Variants in ZNF8 observed in about 807,000 individuals in gnomAD.
The protein encoded by ZNF8 is zinc finger protein 272.
A neutral mutation model predicts 12.2 loss-of-function variants in ZNF8; 9 were observed. The observed-to-expected ratio is 0.73, with a 90% confidence interval of 0.44 to 1.28. ZNF8 has a LOEUF of 1.28. Ranked by LOEUF, ZNF8 falls within the 50% of genes most tolerant of loss-of-function variation. The probability of loss-of-function intolerance (pLI) is 0.00; values close to 1 mark genes in which losing one functional copy is unlikely to be tolerated. For synonymous variants in ZNF8, 274 were observed against 282.3 expected (o/e 0.97, Z 0.30); for missense variants, 664 against 729.1 (o/e 0.91, Z 1.03).
chr19:58,280,312 T>C (rs934999446), intron 1 of ZNF8: 1 of 174,732 alleles, frequency 5.7e-6, no homozygotes, highest in Non-Finnish European at 1.2e-5. Context: ...GAGACCTCAG[T>C]TGTTCTCCAT....
chr19:58,291,805 G>A (rs1031790802), intron 3 of ZNF8, among the ~76,000 whole-genome samples: 2 of 152,200 alleles, frequency 1.3e-5, no homozygotes, highest in African/African-American at 2.4e-5. Context: ...GGGGCACAGG[G>A]AGCAAGGTGG....
chr19:58,282,980 CT>C (rs112317260), intron 1 of ZNF8, among the ~76,000 whole-genome samples: 12 of 146,532 alleles, frequency 8.2e-5, no homozygotes, highest in African/African-American at 2.8e-4. Flanking sequence ...TTTTTCTCTT[CT>C]TTTTTTTTTC....
chr19:58,294,874 C>G lies in ZNF8; in HGVS notation c.1066C>G (p.Leu356Val), dbSNP rs1328587765. ...CGRAFNQNSS[L>V]GRHKRTHTGE... ...GAGGGCCTTCAACCAGAACTCCTCCCTGGGGCGGCACAAGAGGACACACAC... is the reference window on the plus strand; with the variant it reads ...GAGGGCCTTCAACCAGAACTCCTCCGTGGGGCGGCACAAGAGGACACACAC... The change falls in exon 4 of 4, where the codon CTG becomes GTG. Residue 356 changes from leucine (L) to valine (V), a missense_variant. Around this residue, in one of 3 missense-constraint regions of ZNF8, gnomAD observed 133 missense variants for 198.4 expected, o/e 0.67. Transcript: ENST00000621650. This position sits in a 1 kb window ranked among gnomAD's most constrained non-coding sequence, Gnocchi z 5.5. 6.2e-7 allele frequency: 1 copy of G among 1,614,020 alleles called. No individual in the cohort carries two copies. Among genetic ancestry groups the G allele is most frequent in the Non-Finnish European group, 8.5e-7 (1 of 1,180,026 alleles).
intron 3 of ZNF8, among the ~76,000 whole-genome samples, chr19:58,287,587 T>A (rs940694498): frequency 6.8e-6 from 1 of 146,572 alleles, no homozygotes; most frequent in Non-Finnish European, 1.5e-5. Context: ...AATCCTCCTG[T>A]CTTGGCCTCT....
At chr19:58,292,950 G>T (rs930526563) in intron 3 of ZNF8, among the ~76,000 whole-genome samples, 120 of 142,246 alleles carry the variant, frequency 8.4e-4, no homozygotes, top group South Asian at 1.8e-3. Context: ...TAGAGAGTCA[G>T]TTTTTTTTTT....
At chr19:58,292,520 T>C (rs1363709860) in intron 3 of ZNF8, among the ~76,000 whole-genome samples, 1 of 152,222 alleles carries the variant, frequency 6.6e-6, no homozygotes, top group African/African-American at 2.4e-5. Context: ...ACCCTCACAA[T>C]GGGGATTAGG....
In ZNF8 at chr19:58,294,121, C is replaced by A; in HGVS notation, c.313C>A (p.Gln105Lys). Residue 105 changes from glutamine to lysine, a missense_variant, in exon 4 of 4, where the codon CAA (glutamine) becomes AAA (lysine). This residue lies in a region of ZNF8 where 306 missense variants were observed against 308.7 expected (regional missense o/e 0.99). Transcript: ENST00000621650. This position sits in a 1 kb window ranked among gnomAD's most constrained non-coding sequence, Gnocchi z 5.5. Reference protein sequence around the residue: ...HPAWEPRSESQASRKEEGLPE... With the variant: ...HPAWEPRSESKASRKEEGLPE... ...AGCCTGGGAGCCTCGATCTGAAAGCCAAGCATCACGCAAGGAAGAGGGCCT... is the reference window on the plus strand; with the variant it reads ...AGCCTGGGAGCCTCGATCTGAAAGCAAAGCATCACGCAAGGAAGAGGGCCT... The A allele has an allele frequency of 6.2e-7, 1 of 1,601,846 alleles. No homozygotes were observed. The highest frequency in any genetic ancestry group is 8.5e-7 in the Non-Finnish European group (1 of 1,170,568).
At chr19:58,280,525 C>T (rs981938868) in intron 1 of ZNF8, 2 of 152,546 alleles carry the variant, frequency 1.3e-5, no homozygotes, top group African/African-American at 4.8e-5. Context: ...CACACCAGGG[C>T]TGGAGGTCAT....
chr19:58,291,117 G>C (rs115537096), intron 3 of ZNF8, among the ~76,000 whole-genome samples: 2,084 of 152,300 alleles, frequency 0.014, 39 homozygotes, highest in African/African-American at 0.046. Context: ...CTCAGGGATG[G>C]CTGGGCGATC....
intron 3 of ZNF8, chr19:58,286,506 G>C (rs2051384446): frequency 3.5e-6 from 1 of 283,312 alleles, no homozygotes; most frequent in Admixed American, 4.6e-5. Flanking sequence ...CATGAGACAT[G>C]AGCTCTACCA....
At chr19:58,291,416 G>C (rs1261137913) in intron 3 of ZNF8, among the ~76,000 whole-genome samples, 1 of 152,182 alleles carries the variant, frequency 6.6e-6, no homozygotes. Flanking sequence ...GTTCACTAGT[G>C]TTCTCAAGTC....
intron 3 of ZNF8, among the ~76,000 whole-genome samples, chr19:58,288,348 T>C (rs2051397360): frequency 6.6e-6 from 1 of 152,126 alleles, no homozygotes. Flanking sequence ...CCAGGGCTGA[T>C]TGTTCTGTGA....
chr19:58,286,075 A>G lies in ZNF8; in HGVS notation c.194-35A>G, dbSNP rs779881300. 3.1e-6 allele frequency: 5 copies of G among 1,599,930 alleles called. No individual in the cohort carries two copies. The South Asian group carries it at 5.6e-5, about 18-fold the overall frequency. The stretch of plus-strand genomic sequence containing the variant: ...TGGGCTTGTTGTTTCTCTCCTGAGC[A>G]GCCCCTCACCTCCTGTGTTTTTCCC... On this transcript the variant is annotated intron_variant, in intron 2 of 3. Transcript: ENST00000621650.
At chr19:58,290,329 T>G (rs1382694897) in intron 3 of ZNF8, among the ~76,000 whole-genome samples, 1 of 150,364 alleles carries the variant, frequency 6.7e-6, no homozygotes, top group African/African-American at 2.4e-5. Flanking sequence ...TTGGCCAGGA[T>G]GGTCTCTATC....
At position 58,295,053 on chromosome 19, in the gene ZNF8, C is replaced by A. The variant is rs1006797997; in HGVS notation, c.1245C>A (p.His415Gln). The A allele has an allele frequency of 6.2e-7, 1 of 1,613,954 alleles. No homozygotes were observed. Among genetic ancestry groups the A allele is most frequent in the Non-Finnish European group, 8.5e-7 (1 of 1,179,992 alleles). Reference protein sequence around the residue: ...GFRHSSSLAQHQRKHAGEKPF... With the variant: ...GFRHSSSLAQQQRKHAGEKPF... ...GGCACAGCTCATCCCTGGCCCAGCA[C>A]CAGCGGAAGCACGCGGGGGAGAAGC... The change falls in exon 4 of 4, where the codon CAC becomes CAA. Residue 415 changes from histidine to glutamine, a missense_variant. Transcript: ENST00000621650.
In ZNF8 at chr19:58,294,379, T is replaced by C. The variant is rs546047657; in HGVS notation, c.571T>C (p.Phe191Leu). 1 of 1,614,068 alleles carries C rather than the reference T, an allele frequency of 6.2e-7. No homozygotes were observed. The highest frequency in any genetic ancestry group is 2.2e-5 in the East Asian group (1 of 44,886). Residue 191 changes from phenylalanine to leucine, a missense_variant, in exon 4 of 4, where the codon TTC (phenylalanine) becomes CTC (leucine). This residue lies in a region of ZNF8 where 306 missense variants were observed against 308.7 expected (regional missense o/e 0.99). Transcript: ENST00000621650. This position sits in a 1 kb window ranked among gnomAD's most constrained non-coding sequence, Gnocchi z 5.5. ...CGTCCTGAGTTCAAGCCCAAATCCATTCCCAGAGATCTCTAGAGGGGAGTA... is the reference window on the plus strand; with the variant it reads ...CGTCCTGAGTTCAAGCCCAAATCCACTCCCAGAGATCTCTAGAGGGGAGTA... ...NCVLSSSPNP[F>L]PEISRGEYLY... is the part of the protein sequence containing the mutation.
At chr19:58,287,578 A>G (rs767062984) in intron 3 of ZNF8, among the ~76,000 whole-genome samples, 17 of 148,036 alleles carry the variant, frequency 1.1e-4, no homozygotes, top group African/African-American at 4.0e-4. Context: ...GGCTCAAGCA[A>G]TCCTCCTGTC....
At position 58,279,604 on chromosome 19, in the gene ZNF8, G is replaced by C. The variant is rs933457977; in HGVS notation, c.66+457G>C. 3.9e-6 allele frequency: 6 copies of C among 1,533,796 alleles called. No individual in the cohort carries two copies. The African/African-American group carries it at 8.2e-5, about 21-fold the overall frequency. On this transcript the variant is annotated intron_variant, in intron 1 of 3. Transcript: ENST00000621650. Reference sequence around the variant, plus strand: ...GGACACCCACCGGGACCCCAGCACCGCGGAGCCCCTGCCCTGGGGCTTGGG... The same window carrying C: ...GGACACCCACCGGGACCCCAGCACCCCGGAGCCCCTGCCCTGGGGCTTGGG...
At chr19:58,285,957 G>A in intron 2 of ZNF8, 114 bp downstream of exon 2, 1 of 1,458,546 alleles carries the variant, frequency 6.9e-7, no homozygotes, top group Non-Finnish European at 9.4e-7. Context: ...AGTGCATGAA[G>A]AGGGAGGTCT....
Sources: gnomAD v4.1 joint callset for allele counts (sites outside exome capture counted in the v4.1 genomes callset) on GRCh38, gnomAD v4.1.1 for gene constraint, gnomAD v4.1.1 regional missense constraint, Gnocchi (gnomAD v3.1) non-coding constraint, MANE v1.5 for transcripts, NCBI Gene and HGNC (gene_info 2026-07-23, HGNC 2026-07-21) for gene names.